Variants in TPRG1 observed in about 807,000 individuals in gnomAD.
The protein encoded by TPRG1 is tumor protein p63 regulated 1.
In TPRG1, 29 loss-of-function variants were observed where a neutral mutation model predicts 29.3. That is an observed-to-expected ratio of 0.99 (90% CI 0.74 to 1.35). TPRG1 has a LOEUF of 1.35. Among genes scored for constraint, TPRG1 ranks in the 40% most tolerant of loss-of-function variants. TPRG1 has a pLI of 0.00. For missense variants in TPRG1, 327 were observed against 335.0 expected, an observed-to-expected ratio of 0.98 and a Z score of 0.19; for synonymous variants, 130 against 116.8, an observed-to-expected ratio of 1.11 and a Z score of -0.73.
intron 5 of TPRG1, among the ~76,000 whole-genome samples, chr3:189,311,176 G>A (rs985141238): frequency 2.0e-5 from 3 of 152,136 alleles, no homozygotes; most frequent in Non-Finnish European, 4.4e-5. Context: ...CAGAACGGGG[G>A]CATTCTAAGT....
At chr3:189,119,876 T>C (rs923785607) in intron 1 of TPRG1, among the ~76,000 whole-genome samples, 1 of 152,128 alleles carries the variant, frequency 6.6e-6, no homozygotes, top group African/African-American at 2.4e-5. Context: ...ACACGCAGGT[T>C]CCAGTAATGG....
At chr3:189,051,088 A>G (rs1333437509) in intron 4 of TPRG1, among the ~76,000 whole-genome samples, 3 of 152,222 alleles carry the variant, frequency 2.0e-5, no homozygotes, top group African/African-American at 7.2e-5. Context: ...AGCCAGAGCA[A>G]TCAGACAAGA....
At chr3:189,001,028 C>G (rs1287971002) in intron 2 of TPRG1, 16 of 152,124 alleles carry the variant, frequency 1.1e-4, no homozygotes, top group Admixed American at 1.0e-3. Context: ...AACACCACAT[C>G]TGACCTCATT....
intron 4 of TPRG1, among the ~76,000 whole-genome samples, chr3:189,283,973 T>A (rs1717590863): frequency 6.6e-6 from 1 of 152,182 alleles, no homozygotes; most frequent in Admixed American, 6.5e-5. Flanking sequence ...ACTGGAGACT[T>A]TTCCCTTGGC....
At chr3:189,213,786 T>C (rs1175041562) in intron 2 of TPRG1, among the ~76,000 whole-genome samples, 1 of 152,150 alleles carries the variant, frequency 6.6e-6, no homozygotes, top group Non-Finnish European at 1.5e-5. Context: ...TATTTCACCT[T>C]CTCTTCTGTT....
chr3:189,145,366 A>AAAAAAAAAAAAAAC lies in TPRG1; in HGVS notation c.-290-2211_-290-2210insAAAAAACAAAAAAA, dbSNP rs905163323. ...ACAGAGGGAGACTCCATCTAAAAAA[A>AAAAAAAAAAAAAAC]AAAAAAACATGCCAAACTAAAACAA... is the stretch of plus-strand genomic sequence containing the variant. On this transcript the variant is annotated intron_variant, in intron 3 of 6. Coordinates refer to the TPRG1 transcript ENST00000412373. 6.5e-4 allele frequency among the ~76,000 whole-genome samples: 99 copies of AAAAAAAAAAAAAAC among 151,506 alleles called. 6 individuals are homozygous for AAAAAAAAAAAAAAC. The South Asian group carries it at 0.018, about 28-fold the overall frequency.
chr3:189,102,683 G>T (rs928918947), intron 1 of TPRG1, among the ~76,000 whole-genome samples: 1 of 152,148 alleles, frequency 6.6e-6, no homozygotes, highest in African/African-American at 2.4e-5. Context: ...GGAATCAGAC[G>T]ATGTTCATTC....
intron 1 of TPRG1, among the ~76,000 whole-genome samples, chr3:189,104,559 G>T (rs1428471977): frequency 6.6e-6 from 1 of 151,936 alleles, no homozygotes; most frequent in East Asian, 1.9e-4. Context: ...AAGGGAAACT[G>T]TAGGGTGTCA....
Position 189,124,516 on chromosome 3 carries a change from CA to C in TPRG1, c.-743-2540del, listed in dbSNP as rs759170991. 9.5e-4 allele frequency among the ~76,000 whole-genome samples: 143 copies of C among 150,422 alleles called. 1 individual carries two copies. Among genetic ancestry groups the C allele is most frequent in the Middle Eastern group, 3.4e-3 (1 of 292 alleles). On this transcript the variant is annotated intron_variant, in intron 1 of 6. Coordinates refer to the TPRG1 transcript ENST00000412373. ...TTTGTTTCACGTATACATATTATGA[CA>C]TTTTTTTTAAGAACAAAGGACTTTG...
At chr3:189,304,560 G>A (rs1721334918) in intron 4 of TPRG1, among the ~76,000 whole-genome samples, 1 of 152,174 alleles carries the variant, frequency 6.6e-6, no homozygotes, top group Non-Finnish European at 1.5e-5. Flanking sequence ...ACCTGCCGAT[G>A]GGTTTGGAAC....
At chr3:189,010,214 T>C (rs918454167) in intron 3 of TPRG1, among the ~76,000 whole-genome samples, 2 of 152,222 alleles carry the variant, frequency 1.3e-5, no homozygotes, top group Non-Finnish European at 2.9e-5. Context: ...TTTAGGTTGA[T>C]TCCATGTCTT....
At chr3:189,070,398 C>T (rs943052440) in intron 4 of TPRG1, among the ~76,000 whole-genome samples, 1 of 151,280 alleles carries the variant, frequency 6.6e-6, no homozygotes, top group South Asian at 2.1e-4. Context: ...TTGAATAGAA[C>T]TAAACACACA....
chr3:189,214,975 T>TAATTTAAATTA, intron 2 of TPRG1, among the ~76,000 whole-genome samples: 1 of 132,166 alleles, frequency 7.6e-6, no homozygotes, highest in Middle Eastern at 4.0e-3. Flanking sequence ...AATGTACAGA[T>TAATTTAAATTA]TCCTAAAGGC....
intron 5 of TPRG1, among the ~76,000 whole-genome samples, chr3:189,157,506 C>T (rs1008681246): frequency 2.0e-4 from 30 of 152,128 alleles, no homozygotes; most frequent in Admixed American, 2.0e-3. Context: ...GGGGCACTCT[C>T]CTTCTGACTT....
At chr3:189,132,362 GTGTT>G (rs1243015766) in intron 2 of TPRG1, 1 of 152,238 alleles carries the variant, frequency 6.6e-6, no homozygotes, top group Non-Finnish European at 1.5e-5. Context: ...AGCTGAAAGC[GTGTT>G]TGATCGCGTG....
intron 4 of TPRG1, among the ~76,000 whole-genome samples, chr3:189,082,749 C>A (rs1338076547): frequency 2.0e-5 from 3 of 152,182 alleles, no homozygotes; most frequent in Non-Finnish European, 4.4e-5. Flanking sequence ...ATAAATGCAG[C>A]TGTAGCAGCC....
chr3:189,199,903 A>G (rs1733176945), intron 1 of TPRG1, among the ~76,000 whole-genome samples: 1 of 152,098 alleles, frequency 6.6e-6, no homozygotes, highest in African/African-American at 2.4e-5. Context: ...ACCAAAAACA[A>G]ACAAACAAAA....
At chr3:189,110,955 C>G (rs7653730) in intron 1 of TPRG1, among the ~76,000 whole-genome samples, 54,737 of 150,936 alleles carry the variant, frequency 0.36, 11,834 homozygotes, top group African/African-American at 0.58. Flanking sequence ...TCTTTAATAC[C>G]AACTGGTTTG....
rs75481293 is a variant in TPRG1 at position 189,280,667 on chromosome 3, C to T, written c.480-29719C>T. On this transcript the variant is annotated intron_variant, in intron 4 of 5. Coordinates refer to ENST00000345063, the MANE Select transcript of TPRG1 (RefSeq NM_198485.4). ...GGTGATTGCCATAACAGAAAGAACA[C>T]AGGACTCGAAGACAGATAGCCTGGG... is the stretch of plus-strand genomic sequence containing the variant. 7.9e-3 allele frequency among the ~76,000 whole-genome samples: 1,208 copies of T among 152,228 alleles called. 12 individuals carry two copies. Among genetic ancestry groups the T allele is most frequent in the African/African-American group, 0.027 (1,137 of 41,528 alleles).
Sources: allele counts gnomAD v4.1 joint callset (sites outside exome capture counted in the v4.1 genomes callset), GRCh38; gene constraint gnomAD v4.1.1; transcripts MANE v1.5; gene names NCBI Gene and HGNC (gene_info 2026-07-23, HGNC 2026-07-21).